Variants in FTO observed in about 807,000 individuals in gnomAD.
The protein encoded by FTO is alpha-ketoglutarate-dependent dioxygenase FTO.
A neutral mutation model predicts 63.9 loss-of-function variants in FTO; 47 were observed. The ratio of observed to expected loss-of-function variants is 0.74; its 90% confidence interval spans 0.58 to 0.94. FTO has a LOEUF of 0.94. Ranked by LOEUF, FTO falls within the 40% of genes least tolerant of loss-of-function variation. The pLI is 0.00. For synonymous variants in FTO, 207 were observed against 224.4 expected, an observed-to-expected ratio of 0.92 and a Z score of 0.69; for missense variants, 562 against 618.1, an observed-to-expected ratio of 0.91 and a Z score of 0.96.
rs573905324 is a variant in FTO at position 53,938,266 on chromosome 16, T to C, written c.1364+4157T>C. Among the ~76,000 whole-genome samples, 11 of 152,330 alleles carry C rather than the reference T, an allele frequency of 7.2e-5. No individual in the cohort carries two copies. The South Asian group carries it at 2.3e-3, about 32-fold the overall frequency. ...AAGAAAGCACATAATGTTAACTGAGTAGTTACGTTTGGTTCTTTCTTTGTT... is the reference window on the plus strand; with the variant it reads ...AAGAAAGCACATAATGTTAACTGAGCAGTTACGTTTGGTTCTTTCTTTGTT... On this transcript the variant is annotated intron_variant, in intron 8 of 8. Transcript: ENST00000471389.
intron 1 of FTO, among the ~76,000 whole-genome samples, chr16:53,711,075 A>G (rs1490099367): frequency 6.6e-6 from 1 of 151,518 alleles, no homozygotes; most frequent in Non-Finnish European, 1.5e-5. Context: ...TACAGTAAAA[A>G]TAAACATTGT....
chr16:53,809,696 C>T (rs2078470178), intron 1 of FTO, among the ~76,000 whole-genome samples: 1 of 152,176 alleles, frequency 6.6e-6, no homozygotes, highest in Non-Finnish European at 1.5e-5. Context: ...AATCCCAGCA[C>T]TGTAGGAGGC....
intron 8 of FTO, among the ~76,000 whole-genome samples, chr16:54,068,999 A>G (rs747828486): frequency 1.5e-4 from 23 of 152,168 alleles, no homozygotes; most frequent in Non-Finnish European, 3.1e-4. Context: ...AATATCAACC[A>G]TATATATTTC....
intron 1 of FTO, among the ~76,000 whole-genome samples, chr16:53,746,852 C>T (rs2076662333): frequency 6.6e-6 from 1 of 152,146 alleles, no homozygotes; most frequent in Non-Finnish European, 1.5e-5. Flanking sequence ...CATCATCTCC[C>T]CAATCTTCTA....
intron 4 of FTO, among the ~76,000 whole-genome samples, chr16:53,863,686 T>C (rs2080234945): frequency 2.6e-5 from 4 of 152,240 alleles, no homozygotes; most frequent in African/African-American, 7.2e-5. Flanking sequence ...TCACAGGTTG[T>C]GTGCATAGAA....
In FTO at chr16:53,831,465, A is replaced by C. The variant is rs372497240; in HGVS notation, c.751+4974A>C. On this transcript the variant is annotated intron_variant, in intron 3 of 8. Coordinates refer to ENST00000471389, the MANE Select transcript of FTO (RefSeq NM_001080432.3). ...CTCACAAGAAGACCAAAGGGGGGGA[A>C]AAAACTTATTTGATCTACAAAGTTA... Among the ~76,000 whole-genome samples the C allele has an allele frequency of 4.4e-3, 677 of 152,282 alleles. 8 individuals carry two copies. The highest frequency in any genetic ancestry group is 0.015 in the African/African-American group (621 of 41,554).
At chr16:53,931,148 A>C (rs1185451559) in intron 7 of FTO, among the ~76,000 whole-genome samples, 2 of 152,140 alleles carry the variant, frequency 1.3e-5, no homozygotes, top group Non-Finnish European at 2.9e-5. Context: ...AATGACTTTA[A>C]AAAATAAACA....
chr16:53,798,805 G>T (rs751704807), intron 1 of FTO, among the ~76,000 whole-genome samples: 2 of 152,162 alleles, frequency 1.3e-5, no homozygotes, highest in Non-Finnish European at 2.9e-5. Context: ...TGGCATAGAG[G>T]GGGTGATGGG....
chr16:53,899,676 C>T (rs1446814730), intron 7 of FTO, among the ~76,000 whole-genome samples: 2 of 152,098 alleles, frequency 1.3e-5, no homozygotes, highest in African/African-American at 4.8e-5. Context: ...CTTTCCTCAC[C>T]AGGAGTCCTT....
chr16:53,855,824 T>C (rs1242288162), intron 4 of FTO, among the ~76,000 whole-genome samples: 6 of 152,232 alleles, frequency 3.9e-5, no homozygotes, highest in Admixed American at 1.3e-4. Context: ...TGGATCCATC[T>C]GTACATTCCC....
intron 8 of FTO, among the ~76,000 whole-genome samples, chr16:53,958,718 A>C (rs1442464457): frequency 1.3e-5 from 2 of 152,358 alleles, no homozygotes; most frequent in Non-Finnish European, 2.9e-5. Context: ...AAGCTGCCGA[A>C]GCCAAAGTGA....
At chr16:53,884,616 G>A (rs1209227062) in intron 6 of FTO, among the ~76,000 whole-genome samples, 3 of 152,162 alleles carry the variant, frequency 2.0e-5, no homozygotes, top group African/African-American at 7.2e-5. Flanking sequence ...AGAAAAGTAG[G>A]TGACGTTTGC....
intron 8 of FTO, among the ~76,000 whole-genome samples, chr16:54,103,950 G>T (rs2540776): frequency 6.6e-6 from 1 of 151,896 alleles, no homozygotes; most frequent in Admixed American, 6.6e-5. Flanking sequence ...TAAATGTAGC[G>T]CTTAAGGTAG....
chr16:54,070,512 G>GA (rs2085843767), intron 8 of FTO: 1 of 152,044 alleles, frequency 6.6e-6, no homozygotes, highest in Non-Finnish European at 1.5e-5. Flanking sequence ...TATTATTCCA[G>GA]AAAAATACTG....
intron 8 of FTO, among the ~76,000 whole-genome samples, chr16:53,974,591 T>A (rs566867946): frequency 3.3e-5 from 5 of 152,324 alleles, no homozygotes; most frequent in African/African-American, 1.2e-4. Flanking sequence ...GGAGCTGAAG[T>A]CCAAGGTACA....
intron 4 of FTO, among the ~76,000 whole-genome samples, chr16:53,850,689 G>A (rs868499977): frequency 1.3e-5 from 2 of 151,782 alleles, no homozygotes; most frequent in African/African-American, 4.8e-5. Flanking sequence ...ATATATTTTT[G>A]TTTATTCCTT....
chr16:53,929,694 G>C (rs2082234157), intron 7 of FTO, among the ~76,000 whole-genome samples: 2 of 152,298 alleles, frequency 1.3e-5, no homozygotes, highest in East Asian at 1.9e-4. Flanking sequence ...TGCTATTTTA[G>C]ATGCTCTTGG....
At chr16:53,744,021 A>G (rs915452780) in intron 1 of FTO, among the ~76,000 whole-genome samples, 6 of 152,208 alleles carry the variant, frequency 3.9e-5, no homozygotes, top group Non-Finnish European at 7.3e-5. Context: ...GCAAGTACAG[A>G]CATCATTTTC....
At chr16:54,079,495 T>C (rs753492869) in intron 8 of FTO, among the ~76,000 whole-genome samples, 2 of 152,084 alleles carry the variant, frequency 1.3e-5, no homozygotes, top group African/African-American at 4.8e-5. Flanking sequence ...GAAAAACACA[T>C]AGATGCTACC....
Sources: gnomAD v4.1 joint callset for allele counts (sites outside exome capture counted in the v4.1 genomes callset) on GRCh38, gnomAD v4.1.1 for gene constraint, MANE v1.5 for transcripts, NCBI Gene and HGNC (gene_info 2026-07-23, HGNC 2026-07-21) for gene names.